CSGALNACT1: variants seen among roughly 807,000 people sequenced by gnomAD.
CSGALNACT1 encodes chondroitin sulfate N-acetylgalactosaminyltransferase 1, also known as beta4GalNAcT-1.
In CSGALNACT1, 52 loss-of-function variants were observed where a neutral mutation model predicts 51.0. The observed-to-expected ratio is 1.02, with a 90% confidence interval of 0.82 to 1.29. CSGALNACT1 has a LOEUF of 1.29. Ranked by LOEUF, CSGALNACT1 falls within the 50% of genes most tolerant of loss-of-function variation. The pLI, the probability that CSGALNACT1 is intolerant of heterozygous loss-of-function variation, is 0.00. For synonymous variants in CSGALNACT1, 341 were observed against 254.4 expected (o/e 1.34, Z -3.24); for missense variants, 935 against 679.2 (o/e 1.38, Z -4.19).
intron 8 of CSGALNACT1, among the ~76,000 whole-genome samples, chr8:19,416,476 G>A (rs998341000): frequency 3.3e-5 from 5 of 152,188 alleles, no homozygotes; most frequent in African/African-American, 7.2e-5. Context: ...AAAGTCCACA[G>A]TAGTGGACAG....
chr8:19,645,755 C>T (rs1011822183), intron 1 of CSGALNACT1, among the ~76,000 whole-genome samples: 4 of 152,150 alleles, frequency 2.6e-5, no homozygotes, highest in Non-Finnish European at 5.9e-5. Context: ...GTGGCTGGAA[C>T]AGGTAGCAAG....
At chr8:19,639,131 T>G (rs1159746486) in intron 1 of CSGALNACT1, among the ~76,000 whole-genome samples, 1 of 152,124 alleles carries the variant, frequency 6.6e-6, no homozygotes, top group East Asian at 1.9e-4. Context: ...AAGTACAAAA[T>G]TAAAGAGGCC....
At chr8:19,459,498 G>A (rs900148973) in intron 4 of CSGALNACT1, among the ~76,000 whole-genome samples, 1 of 151,946 alleles carries the variant, frequency 6.6e-6, no homozygotes. Context: ...CATGGGTTGG[G>A]GGACCCTCTG....
chr8:19,661,002 T>A (rs2058704073), intron 1 of CSGALNACT1, among the ~76,000 whole-genome samples: 1 of 152,076 alleles, frequency 6.6e-6, no homozygotes, highest in Non-Finnish European at 1.5e-5. Context: ...AACCTCTGCC[T>A]CCTGGGTTCA....
chr8:19,423,300 A>C (rs2058240464), intron 6 of CSGALNACT1, among the ~76,000 whole-genome samples: 1 of 152,246 alleles, frequency 6.6e-6, no homozygotes. Flanking sequence ...TTGAGTAATT[A>C]AATAAGAATA....
chr8:19,727,282 A>G (rs2063452114), intron 1 of CSGALNACT1, among the ~76,000 whole-genome samples: 1 of 152,170 alleles, frequency 6.6e-6, no homozygotes, highest in South Asian at 2.1e-4. Context: ...TCTTTAGTTG[A>G]CAGGCTGCAC....
chr8:19,451,533 T>A (rs1356834490), intron 5 of CSGALNACT1, among the ~76,000 whole-genome samples: 1 of 152,188 alleles, frequency 6.6e-6, no homozygotes, highest in Non-Finnish European at 1.5e-5. Flanking sequence ...TCCCCATGGA[T>A]CACCCCAAGC....
At chr8:19,523,709 G>T (rs768693239) in intron 3 of CSGALNACT1, among the ~76,000 whole-genome samples, 1 of 152,144 alleles carries the variant, frequency 6.6e-6, no homozygotes, top group Non-Finnish European at 1.5e-5. Context: ...CTTACTGCAT[G>T]GAAGGGACCA....
intron 6 of CSGALNACT1, among the ~76,000 whole-genome samples, chr8:19,429,933 C>T (rs777600500): frequency 2.0e-5 from 3 of 152,156 alleles, no homozygotes; most frequent in Non-Finnish European, 2.9e-5. Flanking sequence ...GTGTAGTTTG[C>T]ATTGTAGGTT....
chr8:19,642,522 G>A (rs1435266043), intron 1 of CSGALNACT1, among the ~76,000 whole-genome samples: 1 of 152,088 alleles, frequency 6.6e-6, no homozygotes, highest in Non-Finnish European at 1.5e-5. Flanking sequence ...TGTAATCCCA[G>A]GACTTTGGGA....
At chr8:19,466,697 T>C (rs2066764902) in intron 4 of CSGALNACT1, among the ~76,000 whole-genome samples, 2 of 152,082 alleles carry the variant, frequency 1.3e-5, no homozygotes, top group African/African-American at 2.4e-5. Context: ...CTGCTATAAA[T>C]CCTCACATGC....
chr8:19,433,872 G>A (rs947692173), intron 6 of CSGALNACT1, among the ~76,000 whole-genome samples: 3 of 152,184 alleles, frequency 2.0e-5, no homozygotes, highest in African/African-American at 7.2e-5. Context: ...GTGGCCCAGA[G>A]AAGCCAAAAG....
intron 6 of CSGALNACT1, among the ~76,000 whole-genome samples, chr8:19,425,256 G>A (rs1030660541): frequency 2.6e-5 from 4 of 152,250 alleles, no homozygotes; most frequent in South Asian, 2.1e-4. Flanking sequence ...CAGGAGAATC[G>A]CTTGAATCTG....
chr8:19,608,759 G>A (rs1190087970), intron 1 of CSGALNACT1, among the ~76,000 whole-genome samples: 1 of 152,160 alleles, frequency 6.6e-6, no homozygotes, highest in African/African-American at 2.4e-5. Context: ...TGGCACTGAG[G>A]CTTGATCTAT....
chr8:19,755,943 T>C (rs750620490), intron 1 of CSGALNACT1, among the ~76,000 whole-genome samples: 1 of 152,196 alleles, frequency 6.6e-6, no homozygotes. Context: ...TTTCTAGGAA[T>C]TGACCATCTT....
At chr8:19,613,067 A>G (rs1009911161) in intron 1 of CSGALNACT1, among the ~76,000 whole-genome samples, 2 of 151,114 alleles carry the variant, frequency 1.3e-5, no homozygotes, top group African/African-American at 4.9e-5. Context: ...CACTGAATTG[A>G]AAATTCTTTC....
At chr8:19,490,110 G>A (rs1218182146) in intron 4 of CSGALNACT1, among the ~76,000 whole-genome samples, 2 of 152,176 alleles carry the variant, frequency 1.3e-5, no homozygotes, top group Non-Finnish European at 2.9e-5. Context: ...GCAACATTCA[G>A]AAGCCAATCC....
chr8:19,625,540 T>C (rs1564288620), intron 1 of CSGALNACT1, among the ~76,000 whole-genome samples: 1 of 152,158 alleles, frequency 6.6e-6, no homozygotes, highest in Non-Finnish European at 1.5e-5. Context: ...CACAGTAATT[T>C]GAGGTGCCTG....
At chr8:19,524,410 C>T (rs2154037184) in intron 3 of CSGALNACT1, among the ~76,000 whole-genome samples, 1 of 152,252 alleles carries the variant, frequency 6.6e-6, no homozygotes, top group Non-Finnish European at 1.5e-5. Context: ...CAAAACTCAC[C>T]ATTTAATCAA....
Sources: allele counts gnomAD v4.1 joint callset (sites outside exome capture counted in the v4.1 genomes callset), GRCh38; gene constraint gnomAD v4.1.1; transcripts MANE v1.5; gene names NCBI Gene and HGNC (gene_info 2026-07-23, HGNC 2026-07-21).